TENM1: variants seen among roughly 807,000 people sequenced by gnomAD.
TENM1 encodes the protein teneurin transmembrane protein 1, also known as teneurin-1.
A neutral mutation model predicts 174.8 loss-of-function variants in TENM1; 35 were observed. The ratio of observed to expected loss-of-function variants is 0.20; its 90% CI spans 0.15 to 0.27. The LOEUF (loss-of-function observed/expected upper bound fraction) is 0.27, where lower values mean the gene tolerates loss of function less well. Among genes scored for constraint, TENM1 ranks in the 10% least tolerant of loss-of-function variants. The pLI, the probability that TENM1 is intolerant of heterozygous loss-of-function variation, is 1.00. For synonymous variants in TENM1, 781 were observed against 798.7 expected, an observed-to-expected ratio of 0.98 and a Z score of 0.37; for missense variants, 1,633 against 2,130.1, an observed-to-expected ratio of 0.77 and a Z score of 4.59.
intron 3 of TENM1, among the ~76,000 whole-genome samples, chrX:124,798,341 TC>T (rs1265920390): frequency 2.1e-4 from 23 of 111,688 alleles, no homozygotes; most frequent in Non-Finnish European, 5.7e-5. Flanking sequence ...CTCCATATCC[TC>T]TCCAGCATCT....
chrX:124,467,820 G>A (rs1418163570), intron 22 of TENM1, among the ~76,000 whole-genome samples: 2 of 110,979 alleles, frequency 1.8e-5, no homozygotes, highest in East Asian at 2.8e-4. Flanking sequence ...GTGCAGTGGC[G>A]CAATCTCAGC....
intron 3 of TENM1, among the ~76,000 whole-genome samples, chrX:124,832,161 G>A (rs1242865744): frequency 3.6e-5 from 4 of 111,630 alleles, no homozygotes; most frequent in South Asian, 3.8e-4. Flanking sequence ...TGCCATTGCC[G>A]TGGGTGTATG....
the TENM1 span, among the ~76,000 whole-genome samples, chrX:125,020,029 T>A: frequency 0.044 from 4,824 of 110,115 alleles, 243 homozygotes; most frequent in African/African-American, 0.15. Context: ...TTTGAATGTG[T>A]CTTCTCTAAG....
intron 3 of TENM1, among the ~76,000 whole-genome samples, chrX:124,891,034 A>G (rs1017466383): frequency 2.7e-5 from 3 of 111,794 alleles, no homozygotes; most frequent in Non-Finnish European, 5.6e-5. Context: ...GTCAAGTGAA[A>G]TAAGTCAGGC....
At position 124,574,142 on chromosome X, in the gene TENM1, T is replaced by C. The variant is rs967353732; in HGVS notation, c.2078-8582A>G. On this transcript the variant is annotated intron_variant, in intron 11 of 31. Transcript: ENST00000422452. ...TTCTATTGAGACATTTCATTTTTAA[T>C]AAGTTTCTTTATGCATGTCAACAAT... Among the ~76,000 whole-genome samples, 18 of 112,166 alleles carry C rather than the reference T, an allele frequency of 1.6e-4. 1 individual carries two copies. Among genetic ancestry groups the C allele is most frequent in the African/African-American group, 4.8e-4 (15 of 31,030 alleles).
intron 11 of TENM1, among the ~76,000 whole-genome samples, chrX:124,591,236 G>A (rs2148253800): frequency 9.0e-6 from 1 of 111,351 alleles, no homozygotes; most frequent in Non-Finnish European, 1.9e-5. Context: ...TATATTCAAG[G>A]TAAATATTGA....
Position 124,556,118 on chromosome X carries a change from C to G in TENM1, c.2434+5553G>C, listed in dbSNP as rs1332161999. On this transcript the variant is annotated intron_variant, in intron 14 of 31. Transcript: ENST00000422452. ...TATGACTCCGAAGACAAAATACAATCAAAACAATGGCTACAAAGAGGTGGA... is the reference window on the plus strand; with the variant it reads ...TATGACTCCGAAGACAAAATACAATGAAAACAATGGCTACAAAGAGGTGGA... Among the ~76,000 whole-genome samples the G allele has an allele frequency of 4.5e-5, 5 of 111,549 alleles. No individual in the cohort carries two copies. The Admixed American group carries it at 4.8e-4, about 11-fold the overall frequency.
chrX:125,136,332 C>T, the TENM1 span, among the ~76,000 whole-genome samples: 5 of 111,475 alleles, frequency 4.5e-5, no homozygotes, highest in Non-Finnish European at 9.4e-5. Flanking sequence ...GTCCTAGTAT[C>T]TTTGTTATTA....
chrX:124,915,144 C>G (rs1007805117), intron 1 of TENM1, among the ~76,000 whole-genome samples: 1 of 111,881 alleles, frequency 8.9e-6, no homozygotes, highest in Admixed American at 9.6e-5. Flanking sequence ...TTAGGTCCTT[C>G]TTTCTCTGGA....
chrX:125,196,613 G>C, the TENM1 span, among the ~76,000 whole-genome samples: 1 of 111,775 alleles, frequency 8.9e-6, no homozygotes, highest in Non-Finnish European at 1.9e-5. Context: ...TAGGAATTGA[G>C]TAAGCTAAAA....
chrX:124,383,191 C>T (rs1052606394), intron 30 of TENM1, among the ~76,000 whole-genome samples: 1 of 110,583 alleles, frequency 9.0e-6, no homozygotes, highest in African/African-American at 3.3e-5. Context: ...AAGTGATCTG[C>T]CTGCCTCAGC....
Position 124,825,074 on chromosome X carries a change from A to G in TENM1, c.535+69222T>C, listed in dbSNP as rs142881793. On this transcript the variant is annotated intron_variant, in intron 3 of 31. Coordinates refer to ENST00000422452, the Ensembl canonical transcript of TENM1. Reference sequence around the variant, plus strand: ...GACACAGGAAAGTAAGGAAAATAACATTATCTTATATATTGATTTTGGATT... The same window carrying G: ...GACACAGGAAAGTAAGGAAAATAACGTTATCTTATATATTGATTTTGGATT... Among the ~76,000 whole-genome samples the G allele has an allele frequency of 2.5e-3, 269 of 109,237 alleles. 2 individuals are homozygous for G. The highest frequency in any genetic ancestry group is 8.6e-3 in the African/African-American group (259 of 30,051). 94.9% of individuals were successfully genotyped at this position (109,237 alleles called of 115,157 possible). A position where few individuals can be genotyped will look rare whatever the true frequency, so the allele number is the denominator to read the frequency against.
chrX:124,875,082 G>T (rs1416028077), intron 3 of TENM1, among the ~76,000 whole-genome samples: 1 of 111,192 alleles, frequency 9.0e-6, no homozygotes, highest in Non-Finnish European at 1.9e-5. Context: ...TTGATATTTT[G>T]TTATTGAAGG....
chrX:124,612,352 C>A (rs184870395), intron 11 of TENM1, among the ~76,000 whole-genome samples: 3 of 110,958 alleles, frequency 2.7e-5, no homozygotes, highest in Non-Finnish European at 5.7e-5. Flanking sequence ...AGAATCTGTA[C>A]TTTAAAAAGT....
At chrX:125,199,383 A>T in the TENM1 span, among the ~76,000 whole-genome samples, 1 of 112,424 alleles carries the variant, frequency 8.9e-6, no homozygotes, top group Non-Finnish European at 1.9e-5. Context: ...AGAACTTCAT[A>T]GGGGATTATC....
intron 3 of TENM1, among the ~76,000 whole-genome samples, chrX:124,831,579 A>T (rs1457390256): frequency 1.8e-5 from 2 of 112,085 alleles, no homozygotes; most frequent in Non-Finnish European, 3.8e-5. Context: ...GAACTTCGGA[A>T]TTATCTTTAA....
chrX:124,381,303 G>A lies in TENM1; in HGVS notation c.7441-9C>T. On this transcript the variant is annotated splice_polypyrimidine_tract_variant and intron_variant, in intron 31 of 31. Coordinates refer to ENST00000422452, the Ensembl canonical transcript of TENM1. ...TGAATGCCCAGGATAGTCTAGGAAA[G>A]AGAGGCACAGAGCAGATGCAGCATG... The A allele has an allele frequency of 8.4e-7, 1 of 1,184,967 alleles. No individual in the cohort carries two copies. The highest frequency in any genetic ancestry group is 1.8e-5 in the South Asian group (1 of 54,511).
intron 23 of TENM1, among the ~76,000 whole-genome samples, chrX:124,435,541 T>TG (rs1180221249): frequency 8.9e-6 from 1 of 111,819 alleles, no homozygotes; most frequent in Admixed American, 9.5e-5. Context: ...GGGCTCTGAA[T>TG]GGGAAGGTAA....
the TENM1 span, among the ~76,000 whole-genome samples, chrX:125,118,848 T>G: frequency 8.9e-6 from 1 of 111,895 alleles, no homozygotes; most frequent in South Asian, 3.7e-4. Context: ...TACTGTATTA[T>G]TCCTCTGATA....
Sources: allele counts gnomAD v4.1 joint callset (sites outside exome capture counted in the v4.1 genomes callset), GRCh38; gene constraint gnomAD v4.1.1; transcripts MANE v1.5; gene names NCBI Gene and HGNC (gene_info 2026-07-23, HGNC 2026-07-21).